Variants in NUP210L observed in about 807,000 individuals in gnomAD.
NUP210L encodes nucleoporin 210 like.
In NUP210L, 74 loss-of-function variants were observed where a neutral mutation model predicts 208.5. The observed-to-expected ratio is 0.35, with a 90% CI of 0.29 to 0.43. The LOEUF (loss-of-function observed/expected upper bound fraction) is 0.43, where lower values mean the gene tolerates loss of function less well. Ranked by LOEUF, NUP210L falls within the 20% of genes least tolerant of loss-of-function variation. The pLI is 1.00. For missense variants in NUP210L, 1,843 were observed against 2,289.4 expected, an observed-to-expected ratio of 0.81 and a Z score of 3.98; for synonymous variants, 780 against 816.9, an observed-to-expected ratio of 0.95 and a Z score of 0.77.
At chr1:154,123,833 G>A (rs1001139527) in intron 10 of NUP210L, among the ~76,000 whole-genome samples, 4 of 151,330 alleles carry the variant, frequency 2.6e-5, no homozygotes, top group East Asian at 3.9e-4. Context: ...AACCGAGATC[G>A]TGCCACTGCA....
chr1:154,095,240 G>T, intron 14 of NUP210L, 84 bp from the exon 15 acceptor site: 1 of 999,072 alleles, frequency 1.0e-6, no homozygotes, highest in Non-Finnish European at 1.5e-6. Flanking sequence ...ATCTGAATAT[G>T]CTGCAAATGA....
chr1:154,093,889 G>A (rs1656051623), intron 15 of NUP210L, among the ~76,000 whole-genome samples: 1 of 152,160 alleles, frequency 6.6e-6, no homozygotes, highest in Non-Finnish European at 1.5e-5. Context: ...AGTGCGTCAT[G>A]CCTATAATCC....
chr1:154,065,489 G>A (rs1654357264), intron 17 of NUP210L, among the ~76,000 whole-genome samples: 1 of 152,134 alleles, frequency 6.6e-6, no homozygotes. Flanking sequence ...TGGCCCCTCA[G>A]CCCTAGCTTT....
At chr1:154,023,632 C>T (rs1651688529) in intron 30 of NUP210L, among the ~76,000 whole-genome samples, 1 of 151,848 alleles carries the variant, frequency 6.6e-6, no homozygotes, top group South Asian at 2.1e-4. Flanking sequence ...CATCTGCCAC[C>T]ACGCCTGGTT....
Position 154,046,387 on chromosome 1 carries a change from G to T in NUP210L, c.3484-18C>A. 4.4e-6 allele frequency: 7 copies of T among 1,608,684 alleles called. No individual in the cohort carries two copies. The highest frequency in any genetic ancestry group is 6.0e-6 in the Non-Finnish European group (7 of 1,175,418). ...ACTTCATCCTGCTCAACAGGGTGGAGAGCAAGCTTAGGCTAAGAGGGAGTT... is the reference window on the plus strand; with the variant it reads ...ACTTCATCCTGCTCAACAGGGTGGATAGCAAGCTTAGGCTAAGAGGGAGTT... On this transcript the variant is annotated intron_variant, in intron 25 of 39. Transcript: ENST00000368559.
exon 10 of NUP210L, chr1:154,126,409 T>C: frequency 6.2e-7 from 1 of 1,613,144 alleles, no homozygotes; most frequent in Non-Finnish European, 8.5e-7. Context: ...CCATTCACGG[T>C]AGTTAGTTGC....
intron 16 of NUP210L, among the ~76,000 whole-genome samples, chr1:154,081,694 C>T (rs559398526): frequency 5.3e-5 from 8 of 152,236 alleles, no homozygotes; most frequent in South Asian, 4.1e-4. Context: ...CCCAATAAAA[C>T]GCTGGAGCTG....
At chr1:154,009,064 C>A (rs1178218691) in intron 35 of NUP210L, among the ~76,000 whole-genome samples, 2 of 151,970 alleles carry the variant, frequency 1.3e-5, no homozygotes, top group Admixed American at 6.6e-5. Context: ...TGCCTCCCAC[C>A]ACGCCTGGCT....
In NUP210L at chr1:154,100,014, G is replaced by GC. The variant is rs1391458673; in HGVS notation, c.1948dup (p.Ala650GlyfsTer3). ...ATATCTTACCTTTAGGGGTTCATAA[G>GC]CAGCAAATGTAGCACTGCTCTCCAA... On this transcript the variant is annotated frameshift_variant, in exon 14 of 40. Transcript: ENST00000368559. LOFTEE classifies it high-confidence loss of function. 2.5e-6 allele frequency: 4 copies of GC among 1,614,008 alleles called. No homozygotes were observed. The highest frequency in any genetic ancestry group is 3.4e-6 in the Non-Finnish European group (4 of 1,179,996).
chr1:153,998,754 T>C (rs6698411), intron 37 of NUP210L, among the ~76,000 whole-genome samples: 143,053 of 143,232 alleles, frequency 1, 71,438 homozygotes, highest in East Asian at 1. Context: ...GGGTCTCGTT[T>C]TGTCACCCAG....
intron 27 of NUP210L, among the ~76,000 whole-genome samples, chr1:154,045,449 C>G (rs1027254211): frequency 2.0e-5 from 3 of 152,110 alleles, no homozygotes; most frequent in Non-Finnish European, 4.4e-5. Flanking sequence ...CTAACATAGT[C>G]ATCTGCTCAC....
chr1:154,126,233 G>T lies in NUP210L; in HGVS notation c.1326+90C>A, dbSNP rs922033434. The T allele has an allele frequency of 3.4e-5, 36 of 1,045,272 alleles. 1 individual carries two copies. In the South Asian group the frequency reaches 5.0e-4, roughly 15 times the overall value. The allele number at this position is 1,045,272 out of a possible 1,614,324, so 64.7% of individuals were successfully genotyped here. A position where few individuals can be genotyped will look rare whatever the true frequency, so the allele number is the denominator to read the frequency against. ...TTTATTTTTCTGAAAGATAAAGGTG[G>T]TATATGCTATATATCTGCTTGCAAA... On this transcript the variant is annotated intron_variant, in intron 10 of 39. Coordinates refer to ENST00000368559, the Ensembl canonical transcript of NUP210L.
chr1:154,108,789 T>C (rs1013710261), intron 12 of NUP210L, among the ~76,000 whole-genome samples: 1 of 151,650 alleles, frequency 6.6e-6, no homozygotes, highest in African/African-American at 2.4e-5. Context: ...TCAAAAAAGA[T>C]AGAGTGACTG....
rs1011197343 is a variant in NUP210L at position 154,042,587 on chromosome 1, C to T, written c.3696+3482G>A. 3.3e-5 allele frequency among the ~76,000 whole-genome samples: 5 copies of T among 151,732 alleles called. No homozygotes were observed. The South Asian group carries it at 8.3e-4, about 25-fold the overall frequency. ...GATTACAGGTGCCCGCCACCATGCCCGGCCAATGTTTTTGTATTTTTTAGT... is the reference window on the plus strand; with the variant it reads ...GATTACAGGTGCCCGCCACCATGCCTGGCCAATGTTTTTGTATTTTTTAGT... On this transcript the variant is annotated intron_variant, in intron 27 of 39. Transcript: ENST00000368559.
intron 12 of NUP210L, among the ~76,000 whole-genome samples, chr1:154,114,319 C>A (rs528387559): frequency 5.9e-5 from 9 of 152,026 alleles, no homozygotes; most frequent in African/African-American, 1.4e-4. Context: ...AAAATAAAAT[C>A]TTTTATTTTG....
At chr1:154,012,407 C>T (rs763621286) in intron 33 of NUP210L, 37 bp from the exon 34 acceptor site, 2 of 1,599,614 alleles carry the variant, frequency 1.3e-6, no homozygotes, top group Non-Finnish European at 1.7e-6. Context: ...CACCTAAGTT[C>T]CTAGAGAATC....
At chr1:154,026,379 G>A (rs935724775) in intron 29 of NUP210L, among the ~76,000 whole-genome samples, 7 of 152,096 alleles carry the variant, frequency 4.6e-5, no homozygotes, top group African/African-American at 1.4e-4. Flanking sequence ...ACGGAGTTTC[G>A]CTTTTGTTGC....
intron 14 of NUP210L, among the ~76,000 whole-genome samples, chr1:154,098,019 A>G (rs1656257626): frequency 1.3e-5 from 2 of 152,146 alleles, no homozygotes; most frequent in South Asian, 2.1e-4. Context: ...GCCAAGGGTG[A>G]GCCAGGCATG....
chr1:154,082,906 T>C (rs1167229884), intron 16 of NUP210L, among the ~76,000 whole-genome samples: 1 of 152,082 alleles, frequency 6.6e-6, no homozygotes, highest in Non-Finnish European at 1.5e-5. Flanking sequence ...GCTGCAGACC[T>C]TCACAGTTAG....
Sources: gnomAD v4.1 joint callset for allele counts (sites outside exome capture counted in the v4.1 genomes callset) on GRCh38, gnomAD v4.1.1 for gene constraint, MANE v1.5 for transcripts, NCBI Gene and HGNC (gene_info 2026-07-23, HGNC 2026-07-21) for gene names.